PXDN: variants seen among roughly 807,000 people sequenced by gnomAD.
PXDN encodes the protein peroxidasin, also known as peroxidasin homolog.
In PXDN, 77 loss-of-function variants were observed where a neutral mutation model predicts 140.3. The observed-to-expected ratio is 0.55, with a 90% CI of 0.46 to 0.66. The LOEUF (loss-of-function observed/expected upper bound fraction) is 0.66. Ranked by LOEUF, PXDN falls within the 30% of genes least tolerant of loss-of-function variation. PXDN has a pLI of 0.00. For missense variants in PXDN, 1,838 were observed against 2,039.5 expected, an observed-to-expected ratio of 0.90 and a Z score of 1.90; for synonymous variants, 911 against 857.4, an observed-to-expected ratio of 1.06 and a Z score of -1.09.
At chr2:1,682,709 A>G (rs1683935800) in intron 6 of PXDN, among the ~76,000 whole-genome samples, 5 of 151,986 alleles carry the variant, frequency 3.3e-5, no homozygotes, top group African/African-American at 1.2e-4. Flanking sequence ...GGAGCCCAAG[A>G]AGGGCGGATC....
Position 1,666,409 on chromosome 2 carries a change from T to C in PXDN, c.1096A>G (p.Thr366Ala), listed in dbSNP as rs1357575983. 6.2e-7 allele frequency: 1 copy of C among 1,613,704 alleles called. No homozygotes were observed. Among genetic ancestry groups the C allele is most frequent in the African/African-American group, 1.3e-5 (1 of 74,936 alleles). Residue 366 changes from threonine (T) to alanine (A), a missense_variant, in exon 10 of 23, where the codon ACA (threonine) becomes GCA (alanine). Around this residue, in one of 5 missense-constraint regions of PXDN, gnomAD observed 208 missense variants for 325.8 expected, o/e 0.64. Transcript: ENST00000252804. ...GESVTLECSA[T>A]GHPPPRISWT... ...GAGATCCGCGGCGGGGGGTGGCCTG[T>C]GGCGCTGCACTCCAGCGTGACGCTC...
chr2:1,719,192 A>G (rs76453690), intron 1 of PXDN, among the ~76,000 whole-genome samples: 21,442 of 151,814 alleles, frequency 0.14, 1,976 homozygotes, highest in East Asian at 0.31. Context: ...TTCTCACACC[A>G]CCTGCTCCCC....
At chr2:1,698,275 T>G (rs1222550655) in intron 1 of PXDN, among the ~76,000 whole-genome samples, 2 of 152,156 alleles carry the variant, frequency 1.3e-5, no homozygotes. Flanking sequence ...ATCAGCTCAT[T>G]CACTGAGCAC....
intron 1 of PXDN, among the ~76,000 whole-genome samples, chr2:1,695,493 GC>G (rs1182624772): frequency 1.3e-5 from 1 of 77,124 alleles, no homozygotes. Context: ...ACAGAGAGGT[GC>G]TGTCCCATTC....
At chr2:1,671,996 T>C (rs1683589869) in intron 9 of PXDN, 1 of 152,364 alleles carries the variant, frequency 6.6e-6, no homozygotes, top group East Asian at 1.9e-4. Flanking sequence ...TTTAAAAGTT[T>C]TGATCATTTA....
intron 8 of PXDN, among the ~76,000 whole-genome samples, chr2:1,674,726 T>C (rs552982466): frequency 6.6e-6 from 1 of 151,832 alleles, no homozygotes. Flanking sequence ...GAGGACAGAG[T>C]AAGAACAGCC....
chr2:1,654,400 C>T lies in PXDN; in HGVS notation c.1946G>A (p.Ser649Asn). ...INSTRTHLFDSRPRSPNDLLA... is the reference protein window; with the variant it reads ...INSTRTHLFDNRPRSPNDLLA... ...CAGCGTGTTTACAGCCCCACGATAC[C>T]TGTCAAACAAATGTGTTCGGGTTGA... is the stretch of plus-strand genomic sequence containing the variant. Residue 649 changes from serine to asparagine, a missense_variant and splice_region_variant, in exon 15 of 23, where the codon AGC becomes AAC. Physicochemically the swap from Ser to Asn is conservative, Grantham distance 46. Transcript: ENST00000252804. 6.2e-7 allele frequency: 1 copy of T among 1,609,258 alleles called. No individual in the cohort carries two copies. Among genetic ancestry groups the T allele is most frequent in the Non-Finnish European group, 8.5e-7 (1 of 1,175,618 alleles).
intron 9 of PXDN, among the ~76,000 whole-genome samples, chr2:1,668,299 C>G (rs1490707832): frequency 6.6e-6 from 1 of 152,108 alleles, no homozygotes; most frequent in Non-Finnish European, 1.5e-5. Flanking sequence ...CAAAAATTAA[C>G]TCAAAGATGG....
At chr2:1,653,924 T>C (rs1242952139) in intron 15 of PXDN, 139 bp from the exon 16 acceptor site, 1 of 1,061,436 alleles carries the variant, frequency 9.4e-7, no homozygotes, top group African/African-American at 1.6e-5. Context: ...ACCTTCCTCA[T>C]CCGAAGTGGG....
At chr2:1,679,155 TGTGTGTGGTGA>T (rs1683804014) in intron 7 of PXDN, among the ~76,000 whole-genome samples, 1 of 150,626 alleles carries the variant, frequency 6.6e-6, no homozygotes, top group East Asian at 2.0e-4. Flanking sequence ...TGTGTGCATG[TGTGTGTGGTGA>T]GTGTGTGGTG....
intron 1 of PXDN, among the ~76,000 whole-genome samples, chr2:1,721,569 G>GC (rs1685052772): frequency 1.3e-5 from 2 of 152,214 alleles, no homozygotes; most frequent in African/African-American, 4.8e-5. Flanking sequence ...GGGTGCGGTG[G>GC]CTCACGCCTG....
rs761494728 is a variant in PXDN at position 1,649,350 on chromosome 2, G to A, written c.2430C>T (p.Pro810=). 4 of 1,613,908 alleles carry A rather than the reference G, an allele frequency of 2.5e-6. No individual in the cohort carries two copies. The highest frequency in any genetic ancestry group is 1.7e-5 in the Admixed American group (1 of 60,012). The change falls in exon 17 of 23, where the codon CCC becomes CCT. Residue 810 remains proline, a synonymous_variant. Coordinates refer to ENST00000252804, the MANE Select transcript of PXDN (RefSeq NM_012293.3). The surrounding 1 kb of genome is among the most constrained non-coding windows in gnomAD (Gnocchi z 7.1). Reference sequence around the variant, plus strand: ...TCAGCATGTGGGTGAACTGCTCGTCGGGTGTGACGGTCTCCGTCCCGATCA... The same window carrying A: ...TCAGCATGTGGGTGAACTGCTCGTCAGGTGTGACGGTCTCCGTCCCGATCA... ...TTLIGTETVT[P]DEQFTHMLMQ... is the part of the protein sequence containing the mutation.
chr2:1,736,278 T>A (rs1222287011), intron 1 of PXDN, among the ~76,000 whole-genome samples: 1 of 152,184 alleles, frequency 6.6e-6, no homozygotes, highest in Non-Finnish European at 1.5e-5. Context: ...ATTTATAGCT[T>A]TTGATTTAAA....
At chr2:1,723,276 G>C (rs1685096249) in intron 1 of PXDN, among the ~76,000 whole-genome samples, 1 of 152,154 alleles carries the variant, frequency 6.6e-6, no homozygotes, top group Non-Finnish European at 1.5e-5. Context: ...CTAATGAATG[G>C]AAAGGTGAAT....
intron 1 of PXDN, among the ~76,000 whole-genome samples, chr2:1,712,710 G>A (rs948067369): frequency 2.6e-5 from 4 of 152,162 alleles, no homozygotes; most frequent in African/African-American, 9.7e-5. Flanking sequence ...CAGGGAAACC[G>A]TTATTCTTAG....
At chr2:1,702,477 A>G (rs1343850465) in intron 1 of PXDN, among the ~76,000 whole-genome samples, 2 of 152,244 alleles carry the variant, frequency 1.3e-5, no homozygotes, top group African/African-American at 4.8e-5. Context: ...CCCCAGTGAC[A>G]TGTGTGAACC....
At chr2:1,729,971 C>T (rs1572200406) in intron 1 of PXDN, among the ~76,000 whole-genome samples, 1 of 152,274 alleles carries the variant, frequency 6.6e-6, no homozygotes, top group South Asian at 2.1e-4. Flanking sequence ...GATTTTAAAA[C>T]CATACAAAGT....
chr2:1,683,624 A>T (rs1234701205), intron 6 of PXDN, 32 bp downstream of exon 6: 3 of 1,355,214 alleles, frequency 2.2e-6, no homozygotes, highest in Non-Finnish European at 3.0e-6. Context: ...AAGGCTTTGC[A>T]GCAAAGAAAA....
At chr2:1,699,876 T>C (rs1346387300) in intron 1 of PXDN, among the ~76,000 whole-genome samples, 1 of 152,196 alleles carries the variant, frequency 6.6e-6, no homozygotes, top group Non-Finnish European at 1.5e-5. Context: ...ACTCTCATGA[T>C]GTGATGGGAA....
Sources: allele counts gnomAD v4.1 joint callset (sites outside exome capture counted in the v4.1 genomes callset), GRCh38; gene constraint gnomAD v4.1.1; regional missense constraint gnomAD v4.1.1; non-coding constraint Gnocchi (gnomAD v3.1); transcripts MANE v1.5; gene names NCBI Gene and HGNC (gene_info 2026-07-23, HGNC 2026-07-21).